The following PPP3CB variants were observed in gnomAD, a reference collection of about 807,000 sequenced individuals.
PPP3CB encodes protein phosphatase 3 catalytic subunit beta.
In PPP3CB, 8 loss-of-function variants were observed where a neutral mutation model predicts 66.4. The ratio of observed to expected loss-of-function variants is 0.12; its 90% CI spans 0.07 to 0.22. The LOEUF is 0.22. PPP3CB is among the 10% of genes least tolerant of loss of function. PPP3CB has a pLI of 1.00. For missense variants in PPP3CB, 319 were observed against 642.5 expected, an observed-to-expected ratio of 0.50 and a Z score of 5.44; for synonymous variants, 208 against 221.2, an observed-to-expected ratio of 0.94 and a Z score of 0.53.
At position 73,462,062 on chromosome 10, in the gene PPP3CB, G is replaced by C. The variant is rs551718421; in HGVS notation, c.1108+5491C>G. On this transcript the variant is annotated intron_variant, in intron 9 of 13. Transcript: ENST00000360663. Reference sequence around the variant, plus strand: ...TACCTTCCACCATGAGAAGTTCCCTGAGGCCTCCCCAAAAGCCGAGGAGAT... The same window carrying C: ...TACCTTCCACCATGAGAAGTTCCCTCAGGCCTCCCCAAAAGCCGAGGAGAT... Among the ~76,000 whole-genome samples the C allele has an allele frequency of 7.3e-4, 111 of 151,394 alleles. 2 individuals carry two copies. Among genetic ancestry groups the C allele is most frequent in the Admixed American group, 1.1e-3 (16 of 15,204 alleles).
At chr10:73,495,294 C>G (rs1257779980) in intron 1 of PPP3CB, among the ~76,000 whole-genome samples, 1 of 152,206 alleles carries the variant, frequency 6.6e-6, no homozygotes, top group Non-Finnish European at 1.5e-5. Flanking sequence ...ACCTGACGGC[C>G]AAAAGTGAAC....
chr10:73,481,221 C>T (rs1265683261), intron 1 of PPP3CB, among the ~76,000 whole-genome samples: 3 of 148,512 alleles, frequency 2.0e-5, no homozygotes, highest in African/African-American at 7.5e-5. Context: ...CACCTGAAAT[C>T]CCAGACTTGG....
At chr10:73,472,444 A>G (rs1311298750) in intron 4 of PPP3CB, among the ~76,000 whole-genome samples, 2 of 151,678 alleles carry the variant, frequency 1.3e-5, no homozygotes. Flanking sequence ...CAGTGGGCCG[A>G]GATCGTGCCA....
At chr10:73,475,098 C>G in intron 3 of PPP3CB, 68 bp from the exon 4 acceptor site, 1 of 1,542,520 alleles carries the variant, frequency 6.5e-7, no homozygotes. Flanking sequence ...TTGATCTTTG[C>G]TCCTTTTCCT....
chr10:73,459,922 A>T (rs986529360), intron 9 of PPP3CB, among the ~76,000 whole-genome samples: 1 of 152,220 alleles, frequency 6.6e-6, no homozygotes, highest in Non-Finnish European at 1.5e-5. Context: ...AAAAACATGG[A>T]ATTGTACAAT....
At chr10:73,479,079 T>C (rs148197937) in intron 2 of PPP3CB, among the ~76,000 whole-genome samples, 6 of 152,338 alleles carry the variant, frequency 3.9e-5, no homozygotes, top group African/African-American at 9.6e-5. Flanking sequence ...GTCAACACAA[T>C]TGATGAAACC....
chr10:73,436,882 A>G lies in PPP3CB; in HGVS notation c.*1360T>C, dbSNP rs143737425. The G allele has an allele frequency of 1.3e-5, 2 of 152,620 alleles. No individual in the cohort carries two copies. The highest frequency in any genetic ancestry group is 2.4e-5 in the African/African-American group (1 of 41,594). The allele number at this position is 152,620 out of a possible 1,614,324, so 9.5% of individuals were successfully genotyped here. ...ACTCGAATAGTCCTGCACATGCATA[A>G]TATTTCCAACTTAGACAGGAGACCA... is the stretch of plus-strand genomic sequence containing the variant. On this transcript the variant is annotated 3_prime_UTR_variant, in exon 14 of 14. Coordinates refer to ENST00000360663, the MANE Select transcript of PPP3CB (RefSeq NM_021132.4).
In PPP3CB at chr10:73,444,715, ACAT is replaced by A; in HGVS notation, c.1366+7_1366+9del. ...CATCTGAGGCACAGCAAGTTGCATA[ACAT>A]CATTACCACTTTGCAGGGTCTGCCG... On this transcript the variant is annotated splice_region_variant and intron_variant, in intron 12 of 13. Coordinates refer to ENST00000360663, the MANE Select transcript of PPP3CB (RefSeq NM_021132.4). 2 of 1,614,144 alleles carry A rather than the reference ACAT, an allele frequency of 1.2e-6. No homozygotes were observed. The highest frequency in any genetic ancestry group is 1.7e-6 in the Non-Finnish European group (2 of 1,180,020).
intron 9 of PPP3CB, among the ~76,000 whole-genome samples, chr10:73,462,252 A>C (rs939490726): frequency 6.9e-6 from 1 of 144,966 alleles, no homozygotes; most frequent in African/African-American, 2.6e-5. Flanking sequence ...TTGAACTCCT[A>C]GGCTCAAGCA....
intron 2 of PPP3CB, among the ~76,000 whole-genome samples, chr10:73,478,862 T>G (rs2056830474): frequency 6.6e-6 from 1 of 152,200 alleles, no homozygotes; most frequent in Non-Finnish European, 1.5e-5. Context: ...AACTGAAATC[T>G]ACATTTATAA....
Position 73,470,907 on chromosome 10 carries a change from A to G in PPP3CB, c.867T>C (p.Ala289=). 1 of 1,613,412 alleles carries G rather than the reference A, an allele frequency of 6.2e-7. No individual in the cohort carries two copies. Among genetic ancestry groups the G allele is most frequent in the Non-Finnish European group, 8.5e-7 (1 of 1,179,572 alleles). The change falls in exon 7 of 14, where the codon GCT becomes GCC. Residue 289 remains alanine, a synonymous_variant. Transcript: ENST00000360663. ...CTTACCCTGCATCTTGAGCTTCATG[A>G]GCTCTAATAATCGATAACAAATTAT... is the stretch of plus-strand genomic sequence containing the variant. ...QNNNLLSIIR[A]HEAQDAGYRM...
At chr10:73,447,749 T>G (rs936899257) in intron 10 of PPP3CB, among the ~76,000 whole-genome samples, 4 of 151,990 alleles carry the variant, frequency 2.6e-5, no homozygotes, top group African/African-American at 9.7e-5. Flanking sequence ...AGACATATTT[T>G]AGGGGAAAAA....
intron 8 of PPP3CB, 23 bp from the exon 9 acceptor site, chr10:73,467,701 A>G (rs1245259858): frequency 2.7e-6 from 4 of 1,506,114 alleles, no homozygotes; most frequent in Admixed American, 2.1e-5. Context: ...TTGAACATCA[A>G]TAACTTAATA....
intron 1 of PPP3CB, among the ~76,000 whole-genome samples, chr10:73,480,076 C>T (rs947443035): frequency 4.6e-5 from 7 of 152,126 alleles, no homozygotes; most frequent in African/African-American, 1.4e-4. Context: ...TACCATGTTC[C>T]TTTCTAATAA....
chr10:73,443,026 TAAAAAATAA>T (rs1486342069), intron 12 of PPP3CB, among the ~76,000 whole-genome samples: 5 of 149,762 alleles, frequency 3.3e-5, no homozygotes, highest in Admixed American at 1.3e-4. Flanking sequence ...TATAAAAAAA[TAAAAAATAA>T]AAAAAATAAA....
In PPP3CB at chr10:73,457,228, C is replaced by A. The variant is rs990650792; in HGVS notation, c.1109-2739G>T. Among the ~76,000 whole-genome samples, 4 of 124,504 alleles carry A rather than the reference C, an allele frequency of 3.2e-5. No homozygotes were observed. In the Admixed American group the frequency reaches 4.0e-4, roughly 12 times the overall value. The allele number at this position is 124,504 out of a possible 152,430, so 81.7% of individuals were successfully genotyped here. On this transcript the variant is annotated intron_variant, in intron 9 of 13. Transcript: ENST00000360663. The stretch of plus-strand genomic sequence containing the variant: ...GCCTAGTAATTTGTGTGAGACCAGC[C>A]TAGGCAACACAAAGATCCCATCTCT...
chr10:73,442,289 G>A (rs1042615392), intron 12 of PPP3CB, among the ~76,000 whole-genome samples: 1 of 152,190 alleles, frequency 6.6e-6, no homozygotes, highest in African/African-American at 2.4e-5. Context: ...CTCCCCTGCA[G>A]TTGAGGGTGG....
At chr10:73,468,762 A>G (rs1172745224) in intron 8 of PPP3CB, among the ~76,000 whole-genome samples, 3 of 152,232 alleles carry the variant, frequency 2.0e-5, no homozygotes, top group African/African-American at 4.8e-5. Flanking sequence ...TTTGTTTCCC[A>G]TATGAAATTC....
At chr10:73,460,327 G>A (rs2056501680) in intron 9 of PPP3CB, among the ~76,000 whole-genome samples, 1 of 145,320 alleles carries the variant, frequency 6.9e-6, no homozygotes, top group South Asian at 2.2e-4. Flanking sequence ...TCAGATGAGA[G>A]AAATGTTATT....
Sources: allele counts gnomAD v4.1 joint callset (sites outside exome capture counted in the v4.1 genomes callset), GRCh38; gene constraint gnomAD v4.1.1; transcripts MANE v1.5; gene names NCBI Gene and HGNC (gene_info 2026-07-23, HGNC 2026-07-21).